FBXO10: variants seen among roughly 807,000 people sequenced by gnomAD.
FBXO10 encodes the protein F-box protein 10.
In FBXO10, 39 loss-of-function variants were observed where a neutral mutation model predicts 80.7. The observed-to-expected ratio is 0.48, with a 90% CI of 0.37 to 0.63. The LOEUF is 0.63. Ranked by LOEUF, FBXO10 falls within the 30% of genes least tolerant of loss-of-function variation. The pLI is 0.00. For synonymous variants in FBXO10, 449 were observed against 489.6 expected (o/e 0.92, Z 1.09); for missense variants, 1,025 against 1,269.0 (o/e 0.81, Z 2.92).
intron 1 of FBXO10, among the ~76,000 whole-genome samples, chr9:37,565,961 C>G (rs1016004667): frequency 6.6e-6 from 1 of 152,192 alleles, no homozygotes; most frequent in Non-Finnish European, 1.5e-5. Context: ...CTGGCTGCAG[C>G]TCCAGGAGTC....
intron 4 of FBXO10, 142 bp downstream of exon 4, chr9:37,531,767 C>T: frequency 1.3e-6 from 1 of 765,510 alleles, no homozygotes; most frequent in Non-Finnish European, 2.1e-6. Context: ...CACAGAGTCA[C>T]AAGGACACGC....
At chr9:37,556,241 T>C (rs1202027833) in intron 1 of FBXO10, among the ~76,000 whole-genome samples, 1 of 152,226 alleles carries the variant, frequency 6.6e-6, no homozygotes, top group Non-Finnish European at 1.5e-5. Context: ...TTTTTCCTTT[T>C]ATGCATTATG....
At chr9:37,526,825 A>C (rs199628258) in intron 5 of FBXO10, among the ~76,000 whole-genome samples, 135 of 6,798 alleles carry the variant, frequency 0.02, no homozygotes, top group Non-Finnish European at 0.091. Flanking sequence ...AAAATATTTT[A>C]TTTATTTATT....
intron 1 of FBXO10, among the ~76,000 whole-genome samples, chr9:37,556,890 A>G (rs568724263): frequency 6.6e-6 from 1 of 152,296 alleles, no homozygotes; most frequent in East Asian, 1.9e-4. Flanking sequence ...CAATCTGGAT[A>G]TTAGACATGC....
At chr9:37,541,105 A>C (rs1821899916) in intron 2 of FBXO10, 79 bp downstream of exon 2, 2 of 1,272,782 alleles carry the variant, frequency 1.6e-6, no homozygotes, top group Non-Finnish European at 2.2e-6. Flanking sequence ...CCAACAAAAA[A>C]AGGGATTAAA....
At chr9:37,567,989 T>C (rs1822651522) in intron 1 of FBXO10, among the ~76,000 whole-genome samples, 1 of 152,140 alleles carries the variant, frequency 6.6e-6, no homozygotes, top group South Asian at 2.1e-4. Context: ...TCCCCCATCC[T>C]CTTGCAAGGA....
chr9:37,555,990 T>A (rs1330978107), intron 1 of FBXO10, among the ~76,000 whole-genome samples: 1 of 152,252 alleles, frequency 6.6e-6, no homozygotes, highest in Admixed American at 6.5e-5. Context: ...TGATCCATCA[T>A]GAATTAATTT....
intron 10 of FBXO10, 41 bp from the exon 11 acceptor site, chr9:37,512,762 G>A (rs772602632): frequency 3.8e-6 from 6 of 1,590,066 alleles, no homozygotes; most frequent in Non-Finnish European, 5.1e-6. Context: ...TCTGAGGGGT[G>A]TGCAGTGCTG....
At position 37,518,162 on chromosome 9, in the gene FBXO10, C is replaced by G. The variant is rs757227303; in HGVS notation, c.2477G>C (p.Gly826Ala). 2 of 1,613,986 alleles carry G rather than the reference C, an allele frequency of 1.2e-6. No individual in the cohort carries two copies. The highest frequency in any genetic ancestry group is 1.7e-6 in the Non-Finnish European group (2 of 1,179,846). ...VIENDIIGNR[G>A]SGLQLLPRSD... ...CCTGGGCAGCAGCTGCAGCCCGCTG[C>G]CCCGGTTGCCAATGATATCGTTTTC... The change falls in exon 9 of 11, where the codon GGC (glycine) becomes GCC (alanine). Residue 826 changes from glycine to alanine, a missense_variant. By Grantham distance (60) the Gly-to-Ala change is moderately conservative. Coordinates refer to ENST00000432825, the MANE Select transcript of FBXO10 (RefSeq NM_012166.3).
chr9:37,561,173 CTTTTTTTT>C (rs78284002), intron 1 of FBXO10, among the ~76,000 whole-genome samples: 1 of 129,820 alleles, frequency 7.7e-6, no homozygotes, highest in Non-Finnish European at 1.6e-5. Context: ...ACAAAATCAA[CTTTTTTTT>C]TTTTTTTTTT....
At chr9:37,522,316 A>G in intron 7 of FBXO10, 1 of 990,626 alleles carries the variant, frequency 1.0e-6, no homozygotes, top group Non-Finnish European at 1.2e-6. Flanking sequence ...ATTAAATGTG[A>G]TCATGCATAG....
chr9:37,518,913 C>CTTT lies in FBXO10; in HGVS notation c.2201-478_2201-476dup, dbSNP rs397953415. 1.3e-4 allele frequency among the ~76,000 whole-genome samples: 19 copies of CTTT among 141,306 alleles called. 1 individual carries two copies. Among genetic ancestry groups the CTTT allele is most frequent in the African/African-American group, 1.6e-4 (6 of 38,086 alleles). The allele number at this position is 141,306 out of a possible 152,430, so 92.7% of individuals were successfully genotyped here. On this transcript the variant is annotated intron_variant, in intron 8 of 10. Coordinates refer to ENST00000432825, the MANE Select transcript of FBXO10 (RefSeq NM_012166.3). ...CCTCCCTACTGTTTGGGGAAATTTT[C>CTTT]TTTTTTTTTTTTTTGAGACGGAGTC...
chr9:37,520,879 G>A (rs1291851478), intron 8 of FBXO10, among the ~76,000 whole-genome samples: 1 of 152,160 alleles, frequency 6.6e-6, no homozygotes, highest in Non-Finnish European at 1.5e-5. Context: ...GTGGGCTTCA[G>A]TTCTTTGTCT....
chr9:37,557,942 C>G (rs1272058282), intron 1 of FBXO10, among the ~76,000 whole-genome samples: 2 of 152,200 alleles, frequency 1.3e-5, no homozygotes, highest in Admixed American at 6.5e-5. Flanking sequence ...AGTGGGCGAT[C>G]TCATCTTAAC....
At chr9:37,535,345 CTTTTTT>C (rs200212336) in intron 3 of FBXO10, among the ~76,000 whole-genome samples, 2 of 147,974 alleles carry the variant, frequency 1.4e-5, no homozygotes, top group Admixed American at 6.6e-5. Flanking sequence ...GGTGACACTT[CTTTTTT>C]TTTATTTTTT....
intron 1 of FBXO10, among the ~76,000 whole-genome samples, chr9:37,547,616 A>C (rs889382819): frequency 6.6e-6 from 1 of 152,082 alleles, no homozygotes; most frequent in South Asian, 2.1e-4. Context: ...TATCTCAAAA[A>C]ACAAAACAAA....
At chr9:37,560,395 G>A (rs950094618) in intron 1 of FBXO10, among the ~76,000 whole-genome samples, 1 of 152,106 alleles carries the variant, frequency 6.6e-6, no homozygotes. Flanking sequence ...CCTCTCAGGG[G>A]AAGGGGGATT....
chr9:37,529,082 A>G, intron 5 of FBXO10, 42 bp downstream of exon 5: 1 of 1,612,044 alleles, frequency 6.2e-7, no homozygotes. Context: ...AGAGACAGGG[A>G]GGAGGTTAAC....
rs1650962119 is a variant in FBXO10 at position 37,515,934 on chromosome 9, T to A, written c.2666A>T (p.Gln889Leu). The A allele has an allele frequency of 6.2e-7, 1 of 1,613,868 alleles. No homozygotes were observed. ...CTTGAAGACCAGGAACTTGTTGTTT[T>A]GCATGATGCATTCTCGGTTGTTTGA... The part of the protein sequence containing the change: ...QISNNRECIM[Q>L]NNKFLVFKKK... Residue 889 changes from glutamine to leucine, a missense_variant, in exon 10 of 11, where the codon CAA (glutamine) becomes CTA (leucine). Around this residue, in one of 3 missense-constraint regions of FBXO10, gnomAD observed 97 missense variants for 101.8 expected, o/e 0.95. Transcript: ENST00000432825.
Sources: allele counts gnomAD v4.1 joint callset (sites outside exome capture counted in the v4.1 genomes callset), GRCh38; gene constraint gnomAD v4.1.1; regional missense constraint gnomAD v4.1.1; transcripts MANE v1.5; gene names NCBI Gene and HGNC (gene_info 2026-07-23, HGNC 2026-07-21).